The following TMPRSS15 variants were observed in gnomAD, a reference collection of about 807,000 sequenced individuals.
TMPRSS15 encodes transmembrane serine protease 15.
Under a neutral mutation model 125.3 loss-of-function variants are expected in TMPRSS15, and 128 were observed. The ratio of observed to expected loss-of-function variants is 1.02; its 90% CI spans 0.89 to 1.18. TMPRSS15 has a LOEUF of 1.18. Ranked by LOEUF, TMPRSS15 falls within the 50% of genes most tolerant of loss-of-function variation. TMPRSS15 has a pLI of 0.00. For missense variants in TMPRSS15, 1,283 were observed against 1,212.7 expected (o/e 1.06, Z -0.86); for synonymous variants, 446 against 423.2 (o/e 1.05, Z -0.66).
intron 18 of TMPRSS15, among the ~76,000 whole-genome samples, chr21:18,300,681 T>G (rs2074962212): frequency 6.6e-6 from 1 of 152,108 alleles, no homozygotes; most frequent in Admixed American, 6.5e-5. Flanking sequence ...ACACCAAAAT[T>G]TGGAGAAAAA....
At chr21:18,287,736 G>A (rs7283555) in intron 21 of TMPRSS15, among the ~76,000 whole-genome samples, 123,274 of 152,162 alleles carry the variant, frequency 0.81, 50,194 homozygotes, top group African/African-American at 0.84. Context: ...GAAACACAAG[G>A]TTGGAAGTTG....
chr21:18,418,979 A>T lies in TMPRSS15; in HGVS notation c.11-20650T>A, dbSNP rs73893099. 8.4e-3 allele frequency among the ~76,000 whole-genome samples: 1,284 copies of T among 152,308 alleles called. 25 individuals are homozygous for T. Among genetic ancestry groups the T allele is most frequent in the African/African-American group, 0.029 (1,219 of 41,572 alleles). ...CATTCTTGTCATACCCAACTAAATC[A>T]GCGTTGAGCCAGGGGGAAAAATCAC... On this transcript the variant is annotated intron_variant, in intron 1 of 7. Transcript: ENST00000422787.
chr21:18,280,304 C>T (rs1325949010), intron 22 of TMPRSS15, among the ~76,000 whole-genome samples: 4 of 152,104 alleles, frequency 2.6e-5, no homozygotes, highest in South Asian at 2.1e-4. Context: ...AGGCCGGGCA[C>T]GGTGGCTCAC....
intron 3 of TMPRSS15, among the ~76,000 whole-genome samples, chr21:18,396,008 C>A (rs2076031178): frequency 1.3e-5 from 2 of 152,110 alleles, no homozygotes; most frequent in African/African-American, 4.8e-5. Flanking sequence ...AGTGCAGCAG[C>A]TGCTTAAAAA....
At chr21:18,299,193 C>T (rs1183548816) in intron 18 of TMPRSS15, among the ~76,000 whole-genome samples, 4 of 152,138 alleles carry the variant, frequency 2.6e-5, no homozygotes, top group Non-Finnish European at 5.9e-5. Flanking sequence ...AGGAAAATCT[C>T]ATTTAAATAT....
At chr21:18,374,429 C>T (rs961606151) in intron 5 of TMPRSS15, among the ~76,000 whole-genome samples, 7 of 139,906 alleles carry the variant, frequency 5.0e-5, no homozygotes, top group Admixed American at 7.7e-5. Context: ...GCCGAGATTG[C>T]GCCACTGCAG....
intron 1 of TMPRSS15, among the ~76,000 whole-genome samples, chr21:18,419,798 G>C (rs1289125979): frequency 2.0e-5 from 3 of 152,096 alleles, no homozygotes; most frequent in Non-Finnish European, 4.4e-5. Flanking sequence ...GACTGTTTTT[G>C]GATAAAGAAA....
chr21:18,386,383 T>C (rs2075944072), intron 3 of TMPRSS15, among the ~76,000 whole-genome samples: 1 of 152,174 alleles, frequency 6.6e-6, no homozygotes, highest in Non-Finnish European at 1.5e-5. Context: ...GAACTATTTA[T>C]CAGCAGGAAA....
At position 18,435,597 on chromosome 21, in the gene TMPRSS15, T is replaced by A. The variant is rs571988431; in HGVS notation, c.11-37268A>T. ...GGATATTGGTCTAAAATTCTCTTTTTTGGTTGTGTCTCTGCCTGGCTTTGG... is the reference window on the plus strand; with the variant it reads ...GGATATTGGTCTAAAATTCTCTTTTATGGTTGTGTCTCTGCCTGGCTTTGG... On this transcript the variant is annotated intron_variant, in intron 1 of 7. Coordinates refer to the TMPRSS15 transcript ENST00000422787. Among the ~76,000 whole-genome samples, 8 of 152,284 alleles carry A rather than the reference T, an allele frequency of 5.3e-5. No individual in the cohort carries two copies. In the South Asian group the frequency reaches 1.7e-3, roughly 32 times the overall value.
At chr21:18,394,908 A>G (rs919626595) in intron 3 of TMPRSS15, among the ~76,000 whole-genome samples, 1 of 152,190 alleles carries the variant, frequency 6.6e-6, no homozygotes, top group African/African-American at 2.4e-5. Context: ...AGCAACTAGC[A>G]TTGTCAATTC....
In TMPRSS15 at chr21:18,326,425, C is replaced by A. The variant is rs779176480; in HGVS notation, c.1921+7G>T. The stretch of plus-strand genomic sequence containing the variant: ...TATGATGCAATGTGTGATTTATGGG[C>A]TCCTACCTGGAATCCCCAAGTGATA... On this transcript the variant is annotated splice_region_variant and intron_variant, in intron 16 of 24. Coordinates refer to ENST00000284885, the MANE Select transcript of TMPRSS15 (RefSeq NM_002772.3). 1.2e-6 allele frequency: 2 copies of A among 1,614,086 alleles called. No individual in the cohort carries two copies. The highest frequency in any genetic ancestry group is 8.5e-7 in the Non-Finnish European group (1 of 1,179,970).
At chr21:18,470,987 A>ATT (rs11396753) in intron 1 of TMPRSS15, among the ~76,000 whole-genome samples, 3 of 151,560 alleles carry the variant, frequency 2.0e-5, no homozygotes, top group Admixed American at 6.6e-5. Context: ...AATTAGGATA[A>ATT]TTTTTTTCAA....
chr21:18,399,033 T>A (rs1283807928), intron 1 of TMPRSS15, among the ~76,000 whole-genome samples: 2 of 152,134 alleles, frequency 1.3e-5, no homozygotes, highest in Non-Finnish European at 2.9e-5. Flanking sequence ...AAGTCCTACA[T>A]AATCCCTTTA....
intron 1 of TMPRSS15, among the ~76,000 whole-genome samples, chr21:18,463,035 ATTT>A (rs2122953589): frequency 1.9e-4 from 29 of 151,810 alleles, no homozygotes; most frequent in Non-Finnish European, 3.8e-4. Context: ...CTCTCACATA[ATTT>A]TTTAACATAT....
intron 1 of TMPRSS15, among the ~76,000 whole-genome samples, chr21:18,479,995 C>G (rs183612367): frequency 2.0e-5 from 3 of 152,112 alleles, no homozygotes; most frequent in East Asian, 3.9e-4. Flanking sequence ...ACCCAAATGC[C>G]CATCAATGAT....
At chr21:18,368,544 G>A (rs561060096) in intron 6 of TMPRSS15, among the ~76,000 whole-genome samples, 1 of 152,214 alleles carries the variant, frequency 6.6e-6, no homozygotes, top group Non-Finnish European at 1.5e-5. Context: ...GGCAAGTAAG[G>A]AGCAGGCATC....
chr21:18,373,686 A>T (rs1236643957), intron 5 of TMPRSS15, among the ~76,000 whole-genome samples: 1 of 152,188 alleles, frequency 6.6e-6, no homozygotes, highest in Non-Finnish European at 1.5e-5. Context: ...TGAATTTGGG[A>T]TACAGCTAGG....
chr21:18,436,863 GCGGAAGAA>G (rs1569068581), intron 1 of TMPRSS15, among the ~76,000 whole-genome samples: 119 of 3,874 alleles, frequency 0.031, 23 homozygotes, highest in African/African-American at 0.032. Flanking sequence ...TGGCCATACT[GCGGAAGAA>G]TCAATATCGT....
At chr21:18,425,902 G>A (rs1360353139) in intron 1 of TMPRSS15, among the ~76,000 whole-genome samples, 3 of 152,060 alleles carry the variant, frequency 2.0e-5, no homozygotes, top group Admixed American at 2.0e-4. Context: ...TACATTATTT[G>A]GTGGCAAAAG....
Sources: gnomAD v4.1 joint callset for allele counts (sites outside exome capture counted in the v4.1 genomes callset) on GRCh38, gnomAD v4.1.1 for gene constraint, MANE v1.5 for transcripts, NCBI Gene and HGNC (gene_info 2026-07-23, HGNC 2026-07-21) for gene names.